Variants in FBXO22 observed in about 807,000 individuals in gnomAD.
FBXO22 encodes the protein F-box protein 22.
A neutral mutation model predicts 37.2 loss-of-function variants in FBXO22; 13 were observed. The observed-to-expected ratio is 0.35, with a 90% CI of 0.23 to 0.56. The LOEUF (loss-of-function observed/expected upper bound fraction) is 0.56, where lower values mean the gene tolerates loss of function less well. Ranked by LOEUF, FBXO22 falls within the 20% of genes least tolerant of loss-of-function variation. The probability of loss-of-function intolerance (pLI) is 0.87; values close to 1 mark genes in which losing one functional copy is unlikely to be tolerated. For synonymous variants in FBXO22, 189 were observed against 189.1 expected (o/e 1.00, Z 0.00); for missense variants, 446 against 509.9 (o/e 0.87, Z 1.21).
Position 75,930,000 on chromosome 15 carries a change from A to C in FBXO22, c.745A>C (p.Ile249Leu). 1 of 1,614,122 alleles carries C rather than the reference A, an allele frequency of 6.2e-7. No homozygotes were observed. Among genetic ancestry groups the C allele is most frequent in the Non-Finnish European group, 8.5e-7 (1 of 1,179,980 alleles). Residue 249 changes from isoleucine (I) to leucine (L), a missense_variant, in exon 6 of 7, where the codon ATC (isoleucine) becomes CTC (leucine). This residue lies in a region of FBXO22 where 315 missense variants were observed against 410.1 expected (regional missense o/e 0.77). Coordinates refer to ENST00000308275, the MANE Select transcript of FBXO22 (RefSeq NM_147188.3). ...CAGCACTTTCAGTGATATGAATATC[A>C]TCTTGGCTGGAGGCCAGGTGGACAA... ...VVSTFSDMNI[I>L]LAGGQVDNLS...
rs2030130374 is a variant in FBXO22 at position 75,933,251 on chromosome 15, G to GTAT, written c.*151_*153dup. ...GATGCTCTAAGATCACATGAGGGTA[G>GTAT]TATTTAATATATTAGATGAAGGACA... On this transcript the variant is annotated 3_prime_UTR_variant, in exon 7 of 7. Coordinates refer to ENST00000308275, the MANE Select transcript of FBXO22 (RefSeq NM_147188.3). The GTAT allele has an allele frequency of 3.0e-6, 2 of 666,516 alleles. No individual in the cohort carries two copies. Among genetic ancestry groups the GTAT allele is most frequent in the Admixed American group, 3.1e-5 (1 of 32,634 alleles). 41.3% of individuals were successfully genotyped at this position (666,516 alleles called of 1,614,324 possible).
chr15:75,916,972 T>C (rs1206187596), intron 4 of FBXO22, among the ~76,000 whole-genome samples: 3 of 152,224 alleles, frequency 2.0e-5, no homozygotes, highest in Admixed American at 6.5e-5. Flanking sequence ...TAAATACCCA[T>C]ATACCCTTTA....
At chr15:75,904,925 G>C (rs1210918405) in intron 2 of FBXO22, among the ~76,000 whole-genome samples, 1 of 149,482 alleles carries the variant, frequency 6.7e-6, no homozygotes. Flanking sequence ...CCGGGTTCAC[G>C]CCATTCTCCT....
chr15:75,929,784 T>G (rs1358884725), intron 5 of FBXO22, 100 bp from the exon 6 acceptor site: 2 of 1,418,212 alleles, frequency 1.4e-6, no homozygotes, highest in East Asian at 4.6e-5. Context: ...AAATTGCCCT[T>G]AAGGTGGAGT....
rs530559766 is a variant in FBXO22 at position 75,941,263 on chromosome 15, T to G, written c.*8161T>G. 3.3e-5 allele frequency: 5 copies of G among 152,204 alleles called. No individual in the cohort carries two copies. The South Asian group carries it at 1.0e-3, about 31-fold the overall frequency. The allele number at this position is 152,204 out of a possible 1,614,324, so 9.4% of individuals were successfully genotyped here. A position where few individuals can be genotyped will look rare whatever the true frequency, so the allele number is the denominator to read the frequency against. On this transcript the variant is annotated 3_prime_UTR_variant, in exon 7 of 7. Coordinates refer to ENST00000308275, the MANE Select transcript of FBXO22 (RefSeq NM_147188.3). ...TTCATACCCACTGGGATAGCTCTTA[T>G]TAAAATTAAAAAAACACACAAGTGT...
At chr15:75,913,973 A>G (rs776103816) in intron 3 of FBXO22, 137 bp from the exon 4 acceptor site, 67 of 608,944 alleles carry the variant, frequency 1.1e-4, no homozygotes, top group Non-Finnish European at 1.8e-4. Flanking sequence ...GTTTTAATCA[A>G]TGCTTTTAGA....
intron 5 of FBXO22, among the ~76,000 whole-genome samples, chr15:75,922,366 G>A (rs2141717802): frequency 6.6e-6 from 1 of 152,304 alleles, no homozygotes; most frequent in East Asian, 1.9e-4. Flanking sequence ...GGTGTTCTGT[G>A]AGAGCAGAAT....
At position 75,933,355 on chromosome 15, in the gene FBXO22, A is replaced by G. The variant is rs2030135015; in HGVS notation, c.*253A>G. 4.8e-6 allele frequency: 2 copies of G among 418,092 alleles called. No individual in the cohort carries two copies. The highest frequency in any genetic ancestry group is 4.1e-5 in the African/African-American group (2 of 48,798). The allele number at this position is 418,092 out of a possible 1,614,324, so 25.9% of individuals were successfully genotyped here. A position where few individuals can be genotyped will look rare whatever the true frequency, so the allele number is the denominator to read the frequency against. ...AAACTGATTATAGTTGTGTTGCACC[A>G]GATCATGTAGCTGCTGTGTAACATG... On this transcript the variant is annotated 3_prime_UTR_variant, in exon 7 of 7. Transcript: ENST00000308275.
At chr15:75,904,288 C>G in intron 1 of FBXO22, 185 bp downstream of exon 1, 1 of 1,109,452 alleles carries the variant, frequency 9.0e-7, no homozygotes, top group Non-Finnish European at 1.3e-6. Flanking sequence ...GGGGACTTCC[C>G]TGAGGGGCGA....
rs911501863 is a variant in FBXO22, at chr15:75,935,361, G to A, written c.*2259G>A. The A allele has an allele frequency of 5.9e-5, 9 of 152,052 alleles. No homozygotes were observed. The highest frequency in any genetic ancestry group is 1.9e-4 in the African/African-American group (8 of 41,402). 9.4% of individuals were successfully genotyped at this position (152,052 alleles called of 1,614,324 possible). A position where few individuals can be genotyped will look rare whatever the true frequency, so the allele number is the denominator to read the frequency against. On this transcript the variant is annotated 3_prime_UTR_variant, in exon 7 of 7. Transcript: ENST00000308275. ...GTGAGCATAAAAAAGAGAAGTAAAG[G>A]TGTACCATTAGCCTACATACTGAGC...
At chr15:75,909,674 G>T (rs1812242199) in intron 2 of FBXO22, among the ~76,000 whole-genome samples, 1 of 152,070 alleles carries the variant, frequency 6.6e-6, no homozygotes, top group Admixed American at 6.5e-5. Context: ...AACTGAAAAT[G>T]AAAGAGCATG....
chr15:75,918,031 TACTC>T (rs1443739673), intron 5 of FBXO22, among the ~76,000 whole-genome samples: 6 of 152,198 alleles, frequency 3.9e-5, no homozygotes, highest in Non-Finnish European at 8.8e-5. Flanking sequence ...ACAAACGAAT[TACTC>T]AAGGAAAGCA....
Position 75,938,637 on chromosome 15 carries a change from A to G in FBXO22, c.*5535A>G, listed in dbSNP as rs2030618018. 1 of 152,216 alleles carries G rather than the reference A, an allele frequency of 6.6e-6. No homozygotes were observed. Among genetic ancestry groups the G allele is most frequent in the Non-Finnish European group, 1.5e-5 (1 of 68,040 alleles). 9.4% of individuals were successfully genotyped at this position (152,216 alleles called of 1,614,324 possible). On this transcript the variant is annotated 3_prime_UTR_variant, in exon 7 of 7. Transcript: ENST00000308275. ...AAGTATAATAAATGAAATTTTCACT[A>G]CAGGGGTTCAGCAGCAGATATAAGC...
chr15:75,925,136 A>G (rs1246816105), intron 5 of FBXO22, among the ~76,000 whole-genome samples: 1 of 152,142 alleles, frequency 6.6e-6, no homozygotes, highest in Non-Finnish European at 1.5e-5. Context: ...TCTGGCAGCC[A>G]GTTCTGGGGT....
At chr15:75,930,537 C>A in intron 6 of FBXO22, 1 of 986,778 alleles carries the variant, frequency 1.0e-6, no homozygotes, top group Non-Finnish European at 1.2e-6. Context: ...TCTTGCAAGT[C>A]GTACTGGTTT....
At chr15:75,930,502 T>G in intron 6 of FBXO22, 1 of 985,622 alleles carries the variant, frequency 1.0e-6, no homozygotes, top group Non-Finnish European at 1.2e-6. Flanking sequence ...ATGTGTTTGG[T>G]CACAAAACTT....
intron 2 of FBXO22, among the ~76,000 whole-genome samples, chr15:75,905,346 C>T (rs567662534): frequency 6.7e-4 from 102 of 152,268 alleles, no homozygotes; most frequent in African/African-American, 2.3e-3. Context: ...TGGCCCCCAA[C>T]TTCAAAAGGG....
In FBXO22 at chr15:75,913,311, T is replaced by C. The variant is rs925757715; in HGVS notation, c.367+21T>C. On this transcript the variant is annotated intron_variant, in intron 3 of 6. Transcript: ENST00000308275. Reference sequence around the variant, plus strand: ...GAGAGGTAAATATCAAAAGAAAAGCTTTTGCTTCTGTTTTTTTATCATGTG... The same window carrying C: ...GAGAGGTAAATATCAAAAGAAAAGCCTTTGCTTCTGTTTTTTTATCATGTG... The C allele has an allele frequency of 6.5e-6, 10 of 1,533,304 alleles. No individual in the cohort carries two copies. The African/African-American group carries it at 1.2e-4, about 19-fold the overall frequency. 95.0% of individuals were successfully genotyped at this position (1,533,304 alleles called of 1,614,324 possible). A position where few individuals can be genotyped will look rare whatever the true frequency, so the allele number is the denominator to read the frequency against.
chr15:75,913,174 C>T (rs994271847), intron 2 of FBXO22, 29 bp from the exon 3 acceptor site: 3 of 1,500,878 alleles, frequency 2.0e-6, no homozygotes, highest in African/African-American at 2.8e-5. Context: ...TCATGGGATC[C>T]AATTCCAATT....
Sources: gnomAD v4.1 joint callset for allele counts (sites outside exome capture counted in the v4.1 genomes callset) on GRCh38, gnomAD v4.1.1 for gene constraint, gnomAD v4.1.1 regional missense constraint, MANE v1.5 for transcripts, NCBI Gene and HGNC (gene_info 2026-07-23, HGNC 2026-07-21) for gene names.